SLC26A11: variants seen among roughly 807,000 people sequenced by gnomAD.
SLC26A11 encodes the protein sodium-independent sulfate anion transporter.
Under a neutral mutation model 62.2 loss-of-function variants are expected in SLC26A11, and 58 were observed. That is an observed-to-expected ratio of 0.93 (90% CI 0.76 to 1.16). SLC26A11 has a LOEUF of 1.16. Among genes scored for constraint, SLC26A11 ranks in the 50% most tolerant of loss-of-function variants. SLC26A11 has a pLI of 0.00. For synonymous variants in SLC26A11, 411 were observed against 368.9 expected, an observed-to-expected ratio of 1.11 and a Z score of -1.31; for missense variants, 790 against 794.3, an observed-to-expected ratio of 0.99 and a Z score of 0.06.
chr17:80,227,533 G>A (rs1440956023), intron 6 of SLC26A11, among the ~76,000 whole-genome samples: 1 of 152,252 alleles, frequency 6.6e-6, no homozygotes, highest in Non-Finnish European at 1.5e-5. Flanking sequence ...GTAGAACAGG[G>A]ATGCATATTG....
At chr17:80,250,784 G>A (rs2043135400) in intron 16 of SLC26A11, among the ~76,000 whole-genome samples, 1 of 151,740 alleles carries the variant, frequency 6.6e-6, no homozygotes, top group Non-Finnish European at 1.5e-5. Context: ...CCGAGATCGC[G>A]CCATTGCACT....
At chr17:80,224,438 T>TGA (rs1555626263) in intron 5 of SLC26A11, among the ~76,000 whole-genome samples, 176 of 115,988 alleles carry the variant, frequency 1.5e-3, no homozygotes, top group African/African-American at 6.6e-3. Context: ...TGGGTGTGGG[T>TGA]GTGAGAGTGT....
chr17:80,231,710 A>G (rs910265639), intron 7 of SLC26A11, among the ~76,000 whole-genome samples: 1 of 152,208 alleles, frequency 6.6e-6, no homozygotes, highest in African/African-American at 2.4e-5. Flanking sequence ...TCTGTGAACC[A>G]TGGGAGTTAT....
chr17:80,241,627 A>G, intron 9 of SLC26A11, 144 bp from the exon 10 acceptor site: 1 of 818,186 alleles, frequency 1.2e-6, no homozygotes. Flanking sequence ...ACGCACATAT[A>G]TGTGAATATT....
At chr17:80,238,137 C>T (rs546931683) in intron 9 of SLC26A11, among the ~76,000 whole-genome samples, 20 of 152,296 alleles carry the variant, frequency 1.3e-4, no homozygotes, top group Non-Finnish European at 2.5e-4. Flanking sequence ...ACGGGAGGAT[C>T]ACTTGAGCTC....
chr17:80,239,114 C>G (rs2042788384), intron 9 of SLC26A11, among the ~76,000 whole-genome samples: 1 of 142,810 alleles, frequency 7.0e-6, no homozygotes, highest in Non-Finnish European at 1.5e-5. Flanking sequence ...GTGTTTCACT[C>G]TTGTTGCCCA....
rs147696830 is a variant in SLC26A11, at chr17:80,222,747, C to A, written c.327C>A (p.Ser109=). ...CTCTGGGCCCCACCGCCATTATGTCCCTCCTGGTCTCCTTCTACACCTTCC... is the reference window on the plus strand; with the variant it reads ...CTCTGGGCCCCACCGCCATTATGTCACTCCTGGTCTCCTTCTACACCTTCC... ...DVTLGPTAIM[S]LLVSFYTFHE... Residue 109 remains serine, a synonymous_variant, in exon 4 of 18, where the codon TCC becomes TCA. Transcript: ENST00000361193. This position sits in a 1 kb window ranked among gnomAD's most constrained non-coding sequence, Gnocchi z 4.7. 272 of 1,614,188 alleles carry A rather than the reference C, an allele frequency of 1.7e-4. 4 individuals carry two copies. The Middle Eastern group carries it at 7.6e-3, about 45-fold the overall frequency.
At chr17:80,230,164 CA>C (rs561088710) in intron 7 of SLC26A11, among the ~76,000 whole-genome samples, 110 of 147,768 alleles carry the variant, frequency 7.4e-4, no homozygotes, top group African/African-American at 2.7e-3. Context: ...CACTGCACTC[CA>C]GCCTGGCAAC....
At chr17:80,230,349 C>A (rs2042531156) in intron 7 of SLC26A11, among the ~76,000 whole-genome samples, 1 of 152,094 alleles carries the variant, frequency 6.6e-6, no homozygotes, top group African/African-American at 2.4e-5. Context: ...TTATTATACT[C>A]ACAGGTCCTA....
In SLC26A11 at chr17:80,227,912, C is replaced by A. The variant is rs761901488; in HGVS notation, c.688C>A (p.Pro230Thr). 3.1e-6 allele frequency: 5 copies of A among 1,601,278 alleles called. No individual in the cohort carries two copies. The African/African-American group carries it at 5.3e-5, about 17-fold the overall frequency. ...CGTGCCTCCCGTCCACCCCGAGATGCCCCCTGGTGTGCGGCTCAGCCGTGG... is the reference window on the plus strand; with the variant it reads ...CGTGCCTCCCGTCCACCCCGAGATGACCCCTGGTGTGCGGCTCAGCCGTGG... ...DHVPPVHPEM[P>T]PGVRLSRGLV... Residue 230 changes from proline to threonine, a missense_variant, in exon 7 of 18, where the codon CCC becomes ACC. Physicochemically the swap from Pro to Thr is conservative, Grantham distance 38. Coordinates refer to ENST00000361193, the MANE Select transcript of SLC26A11 (RefSeq NM_001166347.2).
Position 80,246,273 on chromosome 17 carries a change from C to A in SLC26A11, c.1153+64C>A. ...AGAGTGGGAGAAAGGGAGGAGGGGG[C>A]CCACAGAGACGTCCCTTTGGCTCAT... On this transcript the variant is annotated intron_variant, in intron 12 of 17. Transcript: ENST00000361193. This position sits in a 1 kb window ranked among gnomAD's most constrained non-coding sequence, Gnocchi z 4.4. The A allele has an allele frequency of 6.4e-7, 1 of 1,555,270 alleles. No individual in the cohort carries two copies.
At chr17:80,236,780 T>C in intron 7 of SLC26A11, 148 bp from the exon 8 acceptor site, 1 of 801,644 alleles carries the variant, frequency 1.2e-6, no homozygotes. Flanking sequence ...ATGTCTGTGT[T>C]GTGTTTCCCA....
At chr17:80,231,371 C>T (rs954598653) in intron 7 of SLC26A11, among the ~76,000 whole-genome samples, 1 of 151,564 alleles carries the variant, frequency 6.6e-6, no homozygotes, top group Non-Finnish European at 1.5e-5. Context: ...ACCATGTTGG[C>T]CAGGCTGGTC....
At chr17:80,237,809 A>AGT (rs1270049349) in intron 9 of SLC26A11, among the ~76,000 whole-genome samples, 1 of 152,222 alleles carries the variant, frequency 6.6e-6, no homozygotes, top group African/African-American at 2.4e-5. Flanking sequence ...TGTGCTGGTG[A>AGT]GTGTTGTAAC....
chr17:80,221,648 C>G lies in SLC26A11; in HGVS notation c.88C>G (p.Leu30Val), dbSNP rs76464091. The G allele has an allele frequency of 1.5e-3, 2,346 of 1,612,412 alleles. 24 individuals carry two copies. The African/African-American group carries it at 0.023, about 16-fold the overall frequency. The change falls in exon 3 of 18, where the codon CTG (leucine) becomes GTG (valine). Residue 30 changes from leucine to valine, a missense_variant. By Grantham distance (32) the Leu-to-Val change is conservative (BLOSUM62 1). Transcript: ENST00000361193. ...PSACCCSPAA[L>V]QRRLPILAWL... Reference sequence around the variant, plus strand: ...CGCCTGCTGCTGCTCCCCTGCGGCCCTGCAGAGGAGGCTGCCCATCCTGGC... The same window carrying G: ...CGCCTGCTGCTGCTCCCCTGCGGCCGTGCAGAGGAGGCTGCCCATCCTGGC...
At chr17:80,245,403 G>C (rs2042968794) in intron 11 of SLC26A11, 147 bp downstream of exon 11, 4 of 690,184 alleles carry the variant, frequency 5.8e-6, no homozygotes, top group Admixed American at 4.7e-5. Flanking sequence ...GTCACCCACT[G>C]TCCTCCAGGG....
At chr17:80,242,589 CGGG>C (rs749656344) in intron 10 of SLC26A11, among the ~76,000 whole-genome samples, 1 of 152,170 alleles carries the variant, frequency 6.6e-6, no homozygotes, top group Non-Finnish European at 1.5e-5. Context: ...CATGAAGACT[CGGG>C]GGCCCCAAGT....
intron 5 of SLC26A11, among the ~76,000 whole-genome samples, chr17:80,224,698 C>T (rs934367161): frequency 7.2e-5 from 11 of 152,112 alleles, no homozygotes; most frequent in Admixed American, 2.0e-4. Flanking sequence ...ATGGTTGGTT[C>T]TTTAATCTGG....
chr17:80,235,954 A>G (rs1249275097), intron 7 of SLC26A11, among the ~76,000 whole-genome samples: 2 of 152,246 alleles, frequency 1.3e-5, no homozygotes, highest in Non-Finnish European at 2.9e-5. Flanking sequence ...GGTCAATGTC[A>G]GGTTTTATGC....
Sources: gnomAD v4.1 joint callset for allele counts (sites outside exome capture counted in the v4.1 genomes callset) on GRCh38, gnomAD v4.1.1 for gene constraint, Gnocchi (gnomAD v3.1) non-coding constraint, MANE v1.5 for transcripts, NCBI Gene and HGNC (gene_info 2026-07-23, HGNC 2026-07-21) for gene names.